Variants in PEAK1 observed in about 807,000 individuals in gnomAD.
PEAK1 encodes inactive tyrosine-protein kinase PEAK1.
In PEAK1, 54 loss-of-function variants were observed where a neutral mutation model predicts 124.7. The observed-to-expected ratio is 0.43, with a 90% CI of 0.35 to 0.54. PEAK1 has a LOEUF of 0.54. Among genes scored for constraint, PEAK1 ranks in the 20% least tolerant of loss-of-function variants. The probability of loss-of-function intolerance (pLI) is 0.01; values close to 1 mark genes in which losing one functional copy is unlikely to be tolerated. For synonymous variants in PEAK1, 719 were observed against 760.0 expected (o/e 0.95, Z 0.89); for missense variants, 2,046 against 2,134.5 (o/e 0.96, Z 0.82).
chr15:77,298,509 C>T (rs970840691), intron 2 of PEAK1, among the ~76,000 whole-genome samples: 3 of 151,964 alleles, frequency 2.0e-5, no homozygotes, highest in African/African-American at 7.3e-5. Flanking sequence ...TGAGCCACCA[C>T]GCCCGGCCGG....
chr15:77,266,524 A>G (rs1329226186), intron 5 of PEAK1, among the ~76,000 whole-genome samples: 17 of 152,178 alleles, frequency 1.1e-4, no homozygotes, highest in African/African-American at 3.9e-4. Context: ...CCAAAACAGA[A>G]GACTTAAATG....
rs1331329592 is a variant in PEAK1 at position 77,111,383 on chromosome 15, G to A, written c.*2773C>T. ...CATTTTTTTGGAAAAATATTCTGAA[G>A]ACCAACTCATGTAGTACTTTTTGCC... is the stretch of plus-strand genomic sequence containing the variant. On this transcript the variant is annotated 3_prime_UTR_variant, in exon 10 of 10. Transcript: ENST00000682557. 1 of 152,114 alleles carries A rather than the reference G, an allele frequency of 6.6e-6. No individual in the cohort carries two copies. The highest frequency in any genetic ancestry group is 2.4e-5 in the African/African-American group (1 of 41,414). 9.4% of individuals were successfully genotyped at this position (152,114 alleles called of 1,614,324 possible). A position where few individuals can be genotyped will look rare whatever the true frequency, so the allele number is the denominator to read the frequency against.
At chr15:77,150,548 C>T (rs934157802) in intron 8 of PEAK1, among the ~76,000 whole-genome samples, 1 of 151,876 alleles carries the variant, frequency 6.6e-6, no homozygotes, top group African/African-American at 2.4e-5. Context: ...TTTTAGGGTA[C>T]ATGTGCACAA....
chr15:77,142,728 C>A (rs746895863), intron 8 of PEAK1, among the ~76,000 whole-genome samples: 7 of 151,966 alleles, frequency 4.6e-5, no homozygotes, highest in Non-Finnish European at 7.4e-5. Flanking sequence ...AGAAGTCAGT[C>A]AAAAATGACC....
intron 2 of PEAK1, among the ~76,000 whole-genome samples, chr15:77,325,859 A>G (rs2065540317): frequency 6.6e-6 from 1 of 152,168 alleles, no homozygotes; most frequent in Non-Finnish European, 1.5e-5. Context: ...CTGAAATATA[A>G]TAAATTTTGG....
At chr15:77,418,974 T>G in intron 1 of PEAK1, 1 of 985,254 alleles carries the variant, frequency 1.0e-6, no homozygotes. Context: ...TCTCTAAGTA[T>G]TTAATTCAAC....
intron 2 of PEAK1, chr15:77,346,631 A>C (rs2066889723): frequency 2.0e-6 from 2 of 985,296 alleles, no homozygotes; most frequent in Non-Finnish European, 2.4e-6. Context: ...AAAACAGCGA[A>C]GAAACAGAAA....
At chr15:77,280,158 T>C (rs554307184) in intron 5 of PEAK1, among the ~76,000 whole-genome samples, 95 of 152,186 alleles carry the variant, frequency 6.2e-4, no homozygotes, top group African/African-American at 2.2e-3. Flanking sequence ...CTGGCCAACA[T>C]GGTGAAATCT....
At chr15:77,157,138 G>A (rs909278777) in intron 8 of PEAK1, 18 of 152,168 alleles carry the variant, frequency 1.2e-4, no homozygotes, top group Non-Finnish European at 1.5e-5. Flanking sequence ...CCTTCTTAGG[G>A]ACTCCTTTAT....
chr15:77,395,854 T>C (rs1436953860), intron 1 of PEAK1, among the ~76,000 whole-genome samples: 1 of 152,070 alleles, frequency 6.6e-6, no homozygotes, highest in Non-Finnish European at 1.5e-5. Context: ...AGGACTTTAA[T>C]GAGCAAAAAG....
At chr15:77,121,399 G>A (rs1372216268) in intron 9 of PEAK1, among the ~76,000 whole-genome samples, 1 of 152,204 alleles carries the variant, frequency 6.6e-6, no homozygotes, top group Non-Finnish European at 1.5e-5. Flanking sequence ...GGAACAGGTA[G>A]AATATATGAA....
intron 6 of PEAK1, among the ~76,000 whole-genome samples, chr15:77,215,391 C>T (rs2059104081): frequency 6.6e-6 from 1 of 152,156 alleles, no homozygotes; most frequent in Admixed American, 6.5e-5. Context: ...TATAGCTATC[C>T]CTCAGTGTCT....
At chr15:77,202,619 A>C (rs1232652278) in intron 6 of PEAK1, among the ~76,000 whole-genome samples, 1 of 151,842 alleles carries the variant, frequency 6.6e-6, no homozygotes, top group Non-Finnish European at 1.5e-5. Context: ...AATAAAAAAA[A>C]AATAGCTGGG....
In PEAK1 at chr15:77,112,246, A is replaced by G. The variant is rs985799646; in HGVS notation, c.*1910T>C. The G allele has an allele frequency of 1.3e-5, 2 of 152,250 alleles. No individual in the cohort carries two copies. The highest frequency in any genetic ancestry group is 4.8e-5 in the African/African-American group (2 of 41,462). The allele number at this position is 152,250 out of a possible 1,614,324, so 9.4% of individuals were successfully genotyped here. On this transcript the variant is annotated 3_prime_UTR_variant, in exon 10 of 10. Transcript: ENST00000682557. ...AGCCTCACATATTACAATCACTTAAAAAAGTAATAAGAGCACAATAAAATA... is the reference window on the plus strand; with the variant it reads ...AGCCTCACATATTACAATCACTTAAGAAAGTAATAAGAGCACAATAAAATA...
intron 2 of PEAK1, among the ~76,000 whole-genome samples, chr15:77,305,215 G>A (rs1390098010): frequency 7.4e-6 from 1 of 134,720 alleles, no homozygotes; most frequent in East Asian, 2.3e-4. Context: ...GGGAGGGAGG[G>A]AGGGTGGGTG....
At chr15:77,257,841 T>G (rs534789328) in intron 5 of PEAK1, among the ~76,000 whole-genome samples, 3 of 152,366 alleles carry the variant, frequency 2.0e-5, no homozygotes, top group African/African-American at 7.2e-5. Flanking sequence ...GGTTTTCTTC[T>G]AGGGTTTTTA....
intron 2 of PEAK1, chr15:77,334,135 A>AT (rs1597338399): frequency 1.7e-5 from 16 of 920,540 alleles, no homozygotes; most frequent in Non-Finnish European, 1.9e-5. Flanking sequence ...TACTTAAGAG[A>AT]TTTTTTTTCT....
intron 1 of PEAK1, among the ~76,000 whole-genome samples, chr15:77,368,273 T>C (rs2068392680): frequency 1.3e-5 from 2 of 152,124 alleles, no homozygotes; most frequent in South Asian, 4.1e-4. Context: ...CCCAGCAATT[T>C]ACGAGGCCAA....
At chr15:77,269,365 C>T (rs1248775292) in intron 5 of PEAK1, among the ~76,000 whole-genome samples, 1 of 152,092 alleles carries the variant, frequency 6.6e-6, no homozygotes, top group Non-Finnish European at 1.5e-5. Flanking sequence ...GCAGGAGTAG[C>T]TATTCTTATA....
Sources: gnomAD v4.1 joint callset for allele counts (sites outside exome capture counted in the v4.1 genomes callset) on GRCh38, gnomAD v4.1.1 for gene constraint, MANE v1.5 for transcripts, NCBI Gene and HGNC (gene_info 2026-07-23, HGNC 2026-07-21) for gene names.